Variants in ME2 observed in about 807,000 individuals in gnomAD.
The protein encoded by ME2 is malic enzyme 2.
A neutral mutation model predicts 73.7 loss-of-function variants in ME2; 60 were observed. That is an observed-to-expected ratio of 0.81 (90% confidence interval 0.66 to 1.01). The LOEUF is 1.01. Among genes scored for constraint, ME2 ranks in the 50% least tolerant of loss-of-function variants. ME2 has a pLI of 0.00. For synonymous variants in ME2, 199 were observed against 236.9 expected (o/e 0.84, Z 1.47); for missense variants, 594 against 705.5 (o/e 0.84, Z 1.79).
intron 1 of ME2, among the ~76,000 whole-genome samples, chr18:50,885,618 TAATA>T (rs1916443631): frequency 6.6e-6 from 1 of 152,148 alleles, no homozygotes; most frequent in Non-Finnish European, 1.5e-5. Context: ...CCAATTTTGT[TAATA>T]ATACTTTTGT....
At chr18:50,901,778 T>C (rs924142499) in intron 2 of ME2, among the ~76,000 whole-genome samples, 4 of 152,226 alleles carry the variant, frequency 2.6e-5, no homozygotes, top group African/African-American at 9.6e-5. Flanking sequence ...TTGGCTGCCT[T>C]AGCAAGAGAG....
intron 12 of ME2, among the ~76,000 whole-genome samples, chr18:50,926,463 T>G (rs926374597): frequency 5.3e-5 from 8 of 152,246 alleles, no homozygotes; most frequent in African/African-American, 1.2e-4. Context: ...ACAGTTTGAC[T>G]ATGGCGGACA....
chr18:50,918,202 T>C lies in ME2; in HGVS notation c.723T>C (p.Ala241=). The change falls in exon 7 of 16, where the codon GCT becomes GCC. Residue 241 remains alanine (A), a synonymous_variant. Coordinates refer to ENST00000321341, the MANE Select transcript of ME2 (RefSeq NM_002396.5). ...ACCTGATTGATGAGTTTATGAAAGC[T>C]ATTACTGACAGGTATTTTTTAAAAG... ...YDDLIDEFMK[A]ITDRYGRNTL... is the part of the protein sequence containing the mutation. 2 of 1,601,570 alleles carry C rather than the reference T, an allele frequency of 1.2e-6. No individual in the cohort carries two copies. The highest frequency in any genetic ancestry group is 8.5e-7 in the Non-Finnish European group (1 of 1,171,008).
chr18:50,933,726 T>G (rs1917751507), intron 13 of ME2: 1 of 152,122 alleles, frequency 6.6e-6, no homozygotes, highest in Admixed American at 6.6e-5. Context: ...AAATTGTGTG[T>G]TGCAGGGGGT....
intron 1 of ME2, among the ~76,000 whole-genome samples, chr18:50,884,626 G>A (rs571565068): frequency 1.1e-4 from 17 of 152,108 alleles, no homozygotes; most frequent in East Asian, 1.9e-4. Flanking sequence ...GATTACAGGC[G>A]TGAGCCACTG....
chr18:50,932,315 C>A lies in ME2; in HGVS notation c.1372C>A (p.Arg458=), dbSNP rs372255716. The A allele has an allele frequency of 3.4e-5, 55 of 1,612,738 alleles. No homozygotes were observed. Among genetic ancestry groups the A allele is most frequent in the Non-Finnish European group, 4.2e-5 (50 of 1,179,284 alleles). ...PFGPVKLTDG[R]VFTPGQGNNV... The stretch of plus-strand genomic sequence containing the variant: ...TGGGCCAGTGAAACTTACAGATGGG[C>A]GAGTCTTTACACCAGGTCAAGGAAA... The change falls in exon 13 of 16, where the codon CGA becomes AGA. Residue 458 remains arginine (R), a synonymous_variant. Coordinates refer to ENST00000321341, the MANE Select transcript of ME2 (RefSeq NM_002396.5).
intron 10 of ME2, among the ~76,000 whole-genome samples, chr18:50,921,806 A>G (rs917028942): frequency 6.6e-6 from 1 of 152,218 alleles, no homozygotes; most frequent in African/African-American, 2.4e-5. Flanking sequence ...CCAGGAAAAA[A>G]GCATGTGCTC....
At chr18:50,913,860 T>TATACACACAGACACAC (rs112137080) in intron 4 of ME2, among the ~76,000 whole-genome samples, 12 of 143,178 alleles carry the variant, frequency 8.4e-5, no homozygotes, top group Non-Finnish European at 1.8e-4. Flanking sequence ...AGCAATATTA[T>TATACACACAGACACAC]ACACACACAC....
chr18:50,901,173 T>C (rs1393831234), intron 2 of ME2, among the ~76,000 whole-genome samples: 2 of 152,230 alleles, frequency 1.3e-5, no homozygotes, highest in Admixed American at 6.5e-5. Context: ...ATTTGAGTGC[T>C]AGTGAGGCAC....
intron 6 of ME2, among the ~76,000 whole-genome samples, 174 bp from the exon 7 acceptor site, chr18:50,917,936 A>G (rs1410640022): frequency 1.3e-5 from 2 of 152,174 alleles, no homozygotes; most frequent in African/African-American, 2.4e-5. Context: ...ACACCATTGC[A>G]CTCCAGCCTG....
At chr18:50,935,114 G>T (rs909168201) in intron 13 of ME2, 6 of 152,262 alleles carry the variant, frequency 3.9e-5, no homozygotes, top group African/African-American at 1.4e-4. Flanking sequence ...TCAAGCCTCT[G>T]TTCGGGACTG....
intron 1 of ME2, among the ~76,000 whole-genome samples, chr18:50,889,025 T>C (rs1916546585): frequency 1.4e-5 from 2 of 147,022 alleles, no homozygotes; most frequent in Non-Finnish European, 2.9e-5. Context: ...AACATTCCAG[T>C]TCTTCTCTTT....
intron 12 of ME2, among the ~76,000 whole-genome samples, chr18:50,927,424 G>A (rs1917578062): frequency 6.6e-6 from 1 of 151,906 alleles, no homozygotes; most frequent in African/African-American, 2.4e-5. Context: ...CACAGGGCCG[G>A]GCACGGTGGC....
At chr18:50,884,923 C>G (rs780368484) in intron 1 of ME2, among the ~76,000 whole-genome samples, 1 of 152,004 alleles carries the variant, frequency 6.6e-6, no homozygotes, top group Non-Finnish European at 1.5e-5. Flanking sequence ...GGTGCAATCT[C>G]GGCTCACTGC....
At chr18:50,901,915 G>A (rs544981510) in intron 2 of ME2, among the ~76,000 whole-genome samples, 22 of 152,100 alleles carry the variant, frequency 1.4e-4, no homozygotes, top group African/African-American at 3.9e-4. Flanking sequence ...TGCTATCTAC[G>A]TTTTTTTCTT....
chr18:50,940,184 A>G (rs887188739), intron 14 of ME2, 104 bp from the exon 15 acceptor site: 7 of 770,954 alleles, frequency 9.1e-6, no homozygotes, highest in Admixed American at 2.4e-5. Context: ...AAGAGGAATT[A>G]TATTACCTGT....
Position 50,898,369 on chromosome 18 carries a change from C to T in ME2, c.108+2441C>T, listed in dbSNP as rs1028694082. 2.0e-5 allele frequency among the ~76,000 whole-genome samples: 3 copies of T among 152,218 alleles called. 1 individual carries two copies. Among genetic ancestry groups the T allele is most frequent in the South Asian group, 4.1e-4 (2 of 4,826 alleles). On this transcript the variant is annotated intron_variant, in intron 2 of 15. Coordinates refer to ENST00000321341, the MANE Select transcript of ME2 (RefSeq NM_002396.5). Reference sequence around the variant, plus strand: ...TTAAATTTATTTAGTGTTGTGCAACCATCACCACTATCTAGTTCCAGAACT... The same window carrying T: ...TTAAATTTATTTAGTGTTGTGCAACTATCACCACTATCTAGTTCCAGAACT...
chr18:50,901,053 G>A (rs951517454), intron 2 of ME2, among the ~76,000 whole-genome samples: 1 of 152,162 alleles, frequency 6.6e-6, no homozygotes, highest in Non-Finnish European at 1.5e-5. Flanking sequence ...TAGAACATGT[G>A]ATGTGAATAA....
chr18:50,894,749 C>T (rs1292596309), intron 1 of ME2, among the ~76,000 whole-genome samples: 11 of 149,756 alleles, frequency 7.3e-5, no homozygotes, highest in Middle Eastern at 7.1e-3. Context: ...TGGTGGCGGG[C>T]GCCTGTAGTC....
Sources: gnomAD v4.1 joint callset for allele counts (sites outside exome capture counted in the v4.1 genomes callset) on GRCh38, gnomAD v4.1.1 for gene constraint, MANE v1.5 for transcripts, NCBI Gene and HGNC (gene_info 2026-07-23, HGNC 2026-07-21) for gene names.